The following UPF2 variants were observed in gnomAD, a reference collection of about 807,000 sequenced individuals.
UPF2 encodes the protein UPF2 regulator of nonsense mediated mRNA decay.
In UPF2, 17 loss-of-function variants were observed where a neutral mutation model predicts 141.4. That is an observed-to-expected ratio of 0.12 (90% CI 0.08 to 0.18). The LOEUF (loss-of-function observed/expected upper bound fraction) is 0.18. UPF2 is among the 10% of genes least tolerant of loss of function. The pLI is 1.00. For synonymous variants in UPF2, 540 were observed against 498.0 expected (o/e 1.08, Z -1.12); for missense variants, 1,152 against 1,515.9 (o/e 0.76, Z 3.99).
chr10:11,931,136 G>A lies in UPF2; in HGVS notation c.3688+505C>T, dbSNP rs539855655. ...TAGACAAAAGGAGGTAAATACAGTCGTGTGCCGCGTGACCATGTTCCAGAC... is the reference window on the plus strand; with the variant it reads ...TAGACAAAAGGAGGTAAATACAGTCATGTGCCGCGTGACCATGTTCCAGAC... On this transcript the variant is annotated intron_variant, in intron 20 of 21. Transcript: ENST00000357604. This position sits in a 1 kb window ranked among gnomAD's most constrained non-coding sequence, Gnocchi z 5.9. Among the ~76,000 whole-genome samples, 2 of 152,270 alleles carry A rather than the reference G, an allele frequency of 1.3e-5. No homozygotes were observed. The highest frequency in any genetic ancestry group is 2.1e-4 in the South Asian group (1 of 4,828).
intron 16 of UPF2, among the ~76,000 whole-genome samples, chr10:11,943,538 A>G (rs754161919): frequency 6.6e-6 from 1 of 152,248 alleles, no homozygotes; most frequent in Non-Finnish European, 1.5e-5. Flanking sequence ...AATGGAAACC[A>G]ACAAAAGTTC....
Position 12,014,078 on chromosome 10 carries a change from C to A in UPF2, c.1252G>T (p.Asp418Tyr). ...KLLANSQSLA[D>Y]LLDENMPDLP... Reference sequence around the variant, plus strand: ...TCTGGCATATTTTCATCCAAAAGGTCTGCTAAGGATTGAGAATTTGCCAGC... The same window carrying A: ...TCTGGCATATTTTCATCCAAAAGGTATGCTAAGGATTGAGAATTTGCCAGC... Residue 418 changes from aspartate (D) to tyrosine (Y), a missense_variant, in exon 4 of 22, where the codon GAC (aspartate) becomes TAC (tyrosine). By Grantham distance (160) the Asp-to-Tyr change is radical. Around this residue, in one of 4 missense-constraint regions of UPF2, gnomAD observed 739 missense variants for 1,032.2 expected, o/e 0.72. Transcript: ENST00000357604. The surrounding 1 kb of genome is among the most constrained non-coding windows in gnomAD (Gnocchi z 5.0). 5 of 1,598,524 alleles carry A rather than the reference C, an allele frequency of 3.1e-6. No individual in the cohort carries two copies. Among genetic ancestry groups the A allele is most frequent in the Non-Finnish European group, 4.3e-6 (5 of 1,171,596 alleles).
intron 17 of UPF2, 88 bp from the exon 18 acceptor site, chr10:11,942,851 T>C (rs1265563939): frequency 1.7e-6 from 2 of 1,207,124 alleles, no homozygotes; most frequent in African/African-American, 1.5e-5. Flanking sequence ...ACAACTTGTT[T>C]AACATAACTC....
rs1833955393 is a variant in UPF2 at position 12,001,703 on chromosome 10, G to C, written c.1627C>G (p.Leu543Val). 2 of 1,601,592 alleles carry C rather than the reference G, an allele frequency of 1.2e-6. No homozygotes were observed. Among genetic ancestry groups the C allele is most frequent in the African/African-American group, 1.3e-5 (1 of 74,282 alleles). ...ELEGGDEAEDLTKKLLDEQEQ... is the reference protein window; with the variant it reads ...ELEGGDEAEDVTKKLLDEQEQ... ...TGTTCATCAAGAAGTTTCTTTGTAA[G>C]ATCTTCAGCTTCATCTCCACCCTCT... The change falls in exon 6 of 22, where the codon CTT becomes GTT. Residue 543 changes from leucine (L) to valine (V), a missense_variant. Coordinates refer to ENST00000357604, the MANE Select transcript of UPF2 (RefSeq NM_015542.4).
intron 8 of UPF2, among the ~76,000 whole-genome samples, chr10:11,983,985 G>A (rs900744946): frequency 4.6e-5 from 7 of 151,414 alleles, no homozygotes; most frequent in East Asian, 2.0e-4. Flanking sequence ...GTGCAATGGC[G>A]CGATCTCGGC....
chr10:12,016,563 A>G lies in UPF2; in HGVS notation c.1146-2379T>C, dbSNP rs555098870. Among the ~76,000 whole-genome samples, 1 of 152,022 alleles carries G rather than the reference A, an allele frequency of 6.6e-6. No homozygotes were observed. Among genetic ancestry groups the G allele is most frequent in the South Asian group, 2.1e-4 (1 of 4,810 alleles). ...ACAAAAATTAGCCGGGTGTGGTGGT[A>G]GGTGCCTGTAATCCCAGCTACTTGG... On this transcript the variant is annotated intron_variant, in intron 3 of 21. Transcript: ENST00000357604. The surrounding 1 kb of genome is among the most constrained non-coding windows in gnomAD (Gnocchi z 4.1).
chr10:12,035,632 T>G (rs1834611960), intron 1 of UPF2, 191 bp from the exon 2 acceptor site: 8 of 601,380 alleles, frequency 1.3e-5, no homozygotes, highest in Admixed American at 3.9e-5. Flanking sequence ...TCATTATTAG[T>G]TAGGCCTATG....
At chr10:11,978,438 C>G (rs1373822231) in intron 9 of UPF2, among the ~76,000 whole-genome samples, 5 of 152,168 alleles carry the variant, frequency 3.3e-5, no homozygotes, top group Non-Finnish European at 5.9e-5. Context: ...CGTGAAATAA[C>G]TGGGTAACAT....
Position 11,956,142 on chromosome 10 carries a change from G to GTCTCA in UPF2, c.2574+173_2574+177dup, listed in dbSNP as rs1339075644. Among the ~76,000 whole-genome samples the GTCTCA allele has an allele frequency of 7.1e-6, 1 of 141,242 alleles. No homozygotes were observed. Among genetic ancestry groups the GTCTCA allele is most frequent in the Non-Finnish European group, 1.5e-5 (1 of 64,908 alleles). 92.7% of individuals were successfully genotyped at this position (141,242 alleles called of 152,430 possible). A position where few individuals can be genotyped will look rare whatever the true frequency, so the allele number is the denominator to read the frequency against. ...AGCCTGGGTGACACAGCGAGACTCA[G>GTCTCA]TCTCAAAAAAAAAAAAAAAAGAGGA... On this transcript the variant is annotated intron_variant, in intron 13 of 21. Transcript: ENST00000357604. The surrounding 1 kb of genome is among the most constrained non-coding windows in gnomAD (Gnocchi z 4.2).
At position 12,014,498 on chromosome 10, in the gene UPF2, T is replaced by C. The variant is rs999686974; in HGVS notation, c.1146-314A>G. 1.3e-5 allele frequency among the ~76,000 whole-genome samples: 2 copies of C among 152,184 alleles called. No homozygotes were observed. The highest frequency in any genetic ancestry group is 4.8e-5 in the African/African-American group (2 of 41,442). ...ATTACAGTCACACTCTTCTCAGATA[T>C]AGAGTTAACCAAAACTAGCACAACT... On this transcript the variant is annotated intron_variant, in intron 3 of 21. Coordinates refer to ENST00000357604, the MANE Select transcript of UPF2 (RefSeq NM_015542.4). This position sits in a 1 kb window ranked among gnomAD's most constrained non-coding sequence, Gnocchi z 5.0.
At chr10:12,031,178 AAAAAAAAAAAAAC>A (rs965914339) in intron 2 of UPF2, among the ~76,000 whole-genome samples, 8 of 151,100 alleles carry the variant, frequency 5.3e-5, no homozygotes, top group African/African-American at 9.7e-5. Context: ...CATCTCAAAA[AAAAAAAAAAAAAC>A]AAAACAGTTT....
chr10:12,004,567 A>G lies in UPF2; in HGVS notation c.1467T>C (p.Ser489=), dbSNP rs1251575456. Residue 489 remains serine (S), a synonymous_variant, in exon 5 of 22, where the codon AGT becomes AGC. Transcript: ENST00000357604. ...PAILFKDNEK[S]CQNKESNKDD... is the part of the protein sequence containing the mutation. The stretch of plus-strand genomic sequence containing the variant: ...CTTTGTTGGACTCTTTATTCTGACA[A>G]CTTTTTTCATTGTCTTTAAACAAGA... 2 of 1,613,580 alleles carry G rather than the reference A, an allele frequency of 1.2e-6. No homozygotes were observed. Among genetic ancestry groups the G allele is most frequent in the East Asian group, 4.5e-5 (2 of 44,792 alleles).
Position 11,935,555 on chromosome 10 carries a change from T to C in UPF2, c.3546+990A>G, listed in dbSNP as rs920410669. Among the ~76,000 whole-genome samples the C allele has an allele frequency of 2.6e-5, 4 of 152,204 alleles. No individual in the cohort carries two copies. Among genetic ancestry groups the C allele is most frequent in the Non-Finnish European group, 4.4e-5 (3 of 68,030 alleles). ...GATTTCATGGACTCTAAGAAGCAAC[T>C]TGATCTCAGAAATGTTAAGATGTAA... is the stretch of plus-strand genomic sequence containing the variant. On this transcript the variant is annotated intron_variant, in intron 19 of 21. Transcript: ENST00000357604. This position sits in a 1 kb window ranked among gnomAD's most constrained non-coding sequence, Gnocchi z 4.9.
In UPF2 at chr10:11,956,795, T is replaced by TA. The variant is rs1042441211; in HGVS notation, c.2371-273dup. 5.3e-5 allele frequency among the ~76,000 whole-genome samples: 8 copies of TA among 152,098 alleles called. No homozygotes were observed. Among genetic ancestry groups the TA allele is most frequent in the African/African-American group, 1.9e-4 (8 of 41,420 alleles). ...GGTGACTGTTCTCAGGTCATTAAAA[T>TA]AAATATCCAATCAGGAGTTTGGAGT... On this transcript the variant is annotated intron_variant, in intron 12 of 21. Transcript: ENST00000357604. The surrounding 1 kb of genome is among the most constrained non-coding windows in gnomAD (Gnocchi z 4.2).
intron 1 of UPF2, among the ~76,000 whole-genome samples, chr10:12,039,622 C>CT (rs747946922): frequency 0.1 from 14,560 of 140,790 alleles, 924 homozygotes; most frequent in African/African-American, 0.12. Context: ...CTCTCTCTCT[C>CT]TTTTTTTTTT....
intron 3 of UPF2, among the ~76,000 whole-genome samples, chr10:12,024,543 G>C (rs2131300808): frequency 6.6e-6 from 1 of 152,118 alleles, no homozygotes; most frequent in East Asian, 1.9e-4. Flanking sequence ...CCAGGAGGCG[G>C]AGGTTGCAGC....
chr10:11,978,520 A>T (rs1201112521), intron 9 of UPF2, among the ~76,000 whole-genome samples: 1 of 152,192 alleles, frequency 6.6e-6, no homozygotes, highest in Admixed American at 6.5e-5. Flanking sequence ...GCCATCTGGT[A>T]ACAGGCCCCT....
In UPF2 at chr10:12,016,485, G is replaced by C. The variant is rs1369593243; in HGVS notation, c.1146-2301C>G. Among the ~76,000 whole-genome samples, 1 of 151,974 alleles carries C rather than the reference G, an allele frequency of 6.6e-6. No individual in the cohort carries two copies. The highest frequency in any genetic ancestry group is 1.9e-4 in the East Asian group (1 of 5,136). ...CCGAGGTGGGAGGATCACAAGGTCA[G>C]GAGTTTGAGACCAGCCTGGCCAATA... On this transcript the variant is annotated intron_variant, in intron 3 of 21. Transcript: ENST00000357604. This position sits in a 1 kb window ranked among gnomAD's most constrained non-coding sequence, Gnocchi z 4.1.
chr10:11,922,666 G>A (rs541389888), intron 21 of UPF2, among the ~76,000 whole-genome samples: 3 of 152,090 alleles, frequency 2.0e-5, no homozygotes, highest in Admixed American at 1.3e-4. Flanking sequence ...AAATCTATCA[G>A]CTCAAAAACT....
Sources: gnomAD v4.1 joint callset for allele counts (sites outside exome capture counted in the v4.1 genomes callset) on GRCh38, gnomAD v4.1.1 for gene constraint, gnomAD v4.1.1 regional missense constraint, Gnocchi (gnomAD v3.1) non-coding constraint, MANE v1.5 for transcripts, NCBI Gene and HGNC (gene_info 2026-07-23, HGNC 2026-07-21) for gene names.